Variants in PIN4 observed in about 807,000 individuals in gnomAD.
PIN4 encodes the protein peptidyl-prolyl cis-trans isomerase NIMA-interacting 4.
In PIN4, 3 loss-of-function variants were observed where a neutral mutation model predicts 8.3. That is an observed-to-expected ratio of 0.36 (90% CI 0.16 to 0.93). The LOEUF (loss-of-function observed/expected upper bound fraction) is 0.93. PIN4 is among the 40% of genes least tolerant of loss of function. The pLI is 0.44. For synonymous variants in PIN4, 18 were observed against 32.5 expected (o/e 0.55, Z 1.52); for missense variants, 75 against 100.6 (o/e 0.75, Z 1.09).
chrX:72,252,660 G>C (rs1602461421), intron 3 of PIN4, among the ~76,000 whole-genome samples: 1 of 112,004 alleles, frequency 8.9e-6, no homozygotes, highest in East Asian at 2.8e-4. Context: ...AAAGTGCTGG[G>C]ATTACAGGCG....
At chrX:72,237,665 G>T (rs763544940) in intron 3 of PIN4, among the ~76,000 whole-genome samples, 4 of 108,374 alleles carry the variant, frequency 3.7e-5, no homozygotes, top group Non-Finnish European at 7.6e-5. Context: ...TCCGGAAACA[G>T]GTGGGAGGAT....
Position 72,181,789 on chromosome X carries a change from C to T in PIN4, c.4C>T (p.Pro2Ser), listed in dbSNP as rs761901303. 1.5e-5 allele frequency: 18 copies of T among 1,193,143 alleles called. No individual in the cohort carries two copies. Among genetic ancestry groups the T allele is most frequent in the Non-Finnish European group, 1.6e-5 (14 of 881,131 alleles). Reference sequence around the variant, plus strand: ...CGTTCAACAACAAGCTTCCAAGATGCCGCCCAAAGGAAAAAGTGGTTCTGG... The same window carrying T: ...CGTTCAACAACAAGCTTCCAAGATGTCGCCCAAAGGAAAAAGTGGTTCTGG... MPPKGKSGSGKA... is the reference protein window; with the variant it reads MSPKGKSGSGKA... The change falls in exon 1 of 4, where the codon CCG becomes TCG. Residue 2 changes from proline to serine, a missense_variant. Physicochemically the swap from Pro to Ser is moderately conservative, Grantham distance 74. Transcript: ENST00000373669.
At chrX:72,210,386 G>T (rs748373587) in intron 3 of PIN4, among the ~76,000 whole-genome samples, 2 of 111,062 alleles carry the variant, frequency 1.8e-5, no homozygotes, top group Non-Finnish European at 3.8e-5. Flanking sequence ...ACCAAGTGTT[G>T]GCAAGGTGTG....
At chrX:72,202,320 A>G (rs182739109), downstream of PIN4, among the ~76,000 whole-genome samples, 1 of 112,767 alleles carries the variant, frequency 8.9e-6, no homozygotes, top group African/African-American at 3.2e-5. Context: ...AGAATTTGTC[A>G]TAGTACACAC....
downstream of PIN4, chrX:72,198,923 A>G (rs765662607): frequency 2.7e-5 from 3 of 111,209 alleles, no homozygotes; most frequent in South Asian, 1.2e-3. Flanking sequence ...CAGGTTGCCT[A>G]AAAAGGGGTG....
intron 3 of PIN4, among the ~76,000 whole-genome samples, chrX:72,240,592 T>C (rs1471832637): frequency 1.8e-5 from 2 of 110,702 alleles, no homozygotes; most frequent in Non-Finnish European, 3.8e-5. Context: ...GCGGATCACC[T>C]GAGGTCAGGA....
At chrX:72,191,448 G>A (rs895956896) in intron 2 of PIN4, among the ~76,000 whole-genome samples, 11 of 111,331 alleles carry the variant, frequency 9.9e-5, no homozygotes, top group Admixed American at 1.9e-4. Context: ...CTACTCGGGA[G>A]GCTGAGGCAG....
chrX:72,259,672 T>C (rs1645343658), intron 3 of PIN4, among the ~76,000 whole-genome samples: 1 of 104,452 alleles, frequency 9.6e-6, no homozygotes. Context: ...TCACAGCTAG[T>C]GAATGTTGGT....
In PIN4 at chrX:72,248,320, A is replaced by G. The variant is rs923715429; in HGVS notation, c.313-14387A>G. ...AAAAAAAAAAAAAAAAAAAAAAAAAAAAAAAAAAAAAAAAAATGTCCTTAT... is the reference window on the plus strand; with the variant it reads ...AAAAAAAAAAAAAAAAAAAAAAAAAGAAAAAAAAAAAAAAAATGTCCTTAT... On this transcript the variant is annotated intron_variant, in intron 3 of 3. Coordinates refer to the PIN4 transcript ENST00000423432. Among the ~76,000 whole-genome samples the G allele has an allele frequency of 2.9e-3, 173 of 59,853 alleles. 1 individual carries two copies. The South Asian group carries it at 0.031, about 11-fold the overall frequency. The allele number at this position is 59,853 out of a possible 115,157, so 52.0% of individuals were successfully genotyped here.
At chrX:72,208,559 A>G (rs146213399) in intron 3 of PIN4, 1 of 1,209,800 alleles carries the variant, frequency 8.3e-7, no homozygotes, top group South Asian at 1.8e-5. Flanking sequence ...TGTTCTGCCA[A>G]CTCCTCCAAG....
At chrX:72,205,884 T>A (rs778354297) in intron 3 of PIN4, 1 of 1,211,483 alleles carries the variant, frequency 8.3e-7, no homozygotes, top group Non-Finnish European at 1.1e-6. Context: ...GTCTGTTGTC[T>A]GCTGAGTCTT....
intron 3 of PIN4, chrX:72,208,572 T>G: frequency 8.3e-7 from 1 of 1,211,902 alleles, no homozygotes; most frequent in Non-Finnish European, 1.1e-6. Flanking sequence ...CCTCCAAGGC[T>G]TCCTGTATTT....
At chrX:72,231,473 T>C (rs2042983047) in intron 3 of PIN4, among the ~76,000 whole-genome samples, 2 of 111,108 alleles carry the variant, frequency 1.8e-5, no homozygotes, top group Non-Finnish European at 3.8e-5. Flanking sequence ...ACAGGAGGAA[T>C]AGGTTCTAGT....
chrX:72,205,459 A>G, intron 3 of PIN4: 1 of 1,211,489 alleles, frequency 8.3e-7, no homozygotes, highest in Non-Finnish European at 1.1e-6. Flanking sequence ...GTGGTCTAAA[A>G]CCATATTAAT....
chrX:72,219,082 C>T (rs1306667323), intron 3 of PIN4, among the ~76,000 whole-genome samples: 1 of 111,400 alleles, frequency 9.0e-6, no homozygotes, highest in East Asian at 2.8e-4. Context: ...GCAGTGAAAC[C>T]CCGTCCCTAC....
intron 3 of PIN4, among the ~76,000 whole-genome samples, chrX:72,250,800 C>T (rs1403077708): frequency 1.2e-4 from 12 of 100,739 alleles, no homozygotes; most frequent in South Asian, 5.0e-4. Context: ...AGTGCAGTGC[C>T]GCAATCTCGG....
At chrX:72,252,279 C>T (rs1042108284) in intron 3 of PIN4, among the ~76,000 whole-genome samples, 2 of 110,983 alleles carry the variant, frequency 1.8e-5, no homozygotes, top group African/African-American at 6.6e-5. Flanking sequence ...TTTATTTTTT[C>T]GTAGAGGTGG....
Position 72,258,192 on chromosome X carries a change from T to C in PIN4, c.313-4515T>C, listed in dbSNP as rs145713581. ...GGAAAGGAACCCCAACAGAGAGGCG[T>C]GAGGAGATGAGAGGTCCACCTCCTG... On this transcript the variant is annotated intron_variant, in intron 3 of 3. Coordinates refer to the PIN4 transcript ENST00000423432. 8.1e-3 allele frequency among the ~76,000 whole-genome samples: 905 copies of C among 111,818 alleles called. 9 individuals are homozygous for C. The highest frequency in any genetic ancestry group is 0.028 in the African/African-American group (848 of 30,749).
intron 3 of PIN4, among the ~76,000 whole-genome samples, chrX:72,220,899 T>C (rs1480960629): frequency 1.8e-5 from 2 of 111,896 alleles, no homozygotes; most frequent in Non-Finnish European, 3.8e-5. Flanking sequence ...TGCCGAAATC[T>C]GGAACAGGTG....
Sources: allele counts gnomAD v4.1 joint callset (sites outside exome capture counted in the v4.1 genomes callset), GRCh38; gene constraint gnomAD v4.1.1; transcripts MANE v1.5; gene names NCBI Gene and HGNC (gene_info 2026-07-23, HGNC 2026-07-21).